Variants in MAD1L1 observed in about 807,000 individuals in gnomAD.
MAD1L1 encodes mitotic arrest deficient 1 like 1, also known as mitotic spindle assembly checkpoint protein MAD1.
Under a neutral mutation model 96.9 loss-of-function variants are expected in MAD1L1, and 95 were observed. That is an observed-to-expected ratio of 0.98 (90% CI 0.83 to 1.16). The LOEUF (loss-of-function observed/expected upper bound fraction) is 1.16, where lower values mean the gene tolerates loss of function less well. Ranked by LOEUF, MAD1L1 falls within the 50% of genes most tolerant of loss-of-function variation. The pLI is 0.00. For missense variants in MAD1L1, 1,007 were observed against 954.4 expected (o/e 1.06, Z -0.73); for synonymous variants, 473 against 396.6 (o/e 1.19, Z -2.29).
intron 18 of MAD1L1, among the ~76,000 whole-genome samples, chr7:1,825,864 T>TAGTCCCAGCCCTGGGATGAGCAC (rs1782361380): frequency 2.0e-5 from 3 of 151,434 alleles, no homozygotes; most frequent in South Asian, 2.1e-4. Context: ...GAGGTCAGCA[T>TAGTCCCAGCCCTGGGATGAGCAC]AGTCCCAGCC....
At chr7:1,938,989 GCACA>G (rs771225963) in intron 16 of MAD1L1, among the ~76,000 whole-genome samples, 2 of 113,180 alleles carry the variant, frequency 1.8e-5, no homozygotes, top group East Asian at 5.8e-4. Flanking sequence ...GACCAGAGGC[GCACA>G]CACACGCACA....
chr7:2,058,940 G>A (rs1584217359), intron 12 of MAD1L1, among the ~76,000 whole-genome samples: 1 of 98,968 alleles, frequency 1.0e-5, no homozygotes, highest in Non-Finnish European at 2.0e-5. Flanking sequence ...GTGGCCAGAG[G>A]AGAGGAGAGG....
intron 3 of MAD1L1, among the ~76,000 whole-genome samples, chr7:2,226,410 T>C (rs1333434149): frequency 6.6e-6 from 1 of 151,478 alleles, no homozygotes; most frequent in East Asian, 1.9e-4. Context: ...CTCAGAAGTC[T>C]GCCTGCCACA....
chr7:1,896,027 G>A (rs944500519), intron 18 of MAD1L1, among the ~76,000 whole-genome samples: 9 of 152,230 alleles, frequency 5.9e-5, no homozygotes, highest in East Asian at 1.9e-4. Flanking sequence ...CAGGAACCAC[G>A]GCTCCTCAGG....
intron 18 of MAD1L1, among the ~76,000 whole-genome samples, chr7:1,884,688 G>A (rs534754554): frequency 1.5e-4 from 23 of 152,328 alleles, no homozygotes; most frequent in African/African-American, 5.1e-4. Flanking sequence ...CTGAGTGGGC[G>A]GAGGAGAACC....
intron 18 of MAD1L1, among the ~76,000 whole-genome samples, chr7:1,879,702 C>T (rs1014757755): frequency 6.6e-6 from 1 of 152,198 alleles, no homozygotes; most frequent in African/African-American, 2.4e-5. Context: ...GAATGGAACA[C>T]AGAGTTCAGA....
intron 12 of MAD1L1, among the ~76,000 whole-genome samples, chr7:2,028,260 C>A (rs1259880679): frequency 2.6e-5 from 4 of 151,922 alleles, no homozygotes; most frequent in Admixed American, 1.3e-4. Flanking sequence ...CCCGTCTCCA[C>A]TAAAAATACA....
intron 10 of MAD1L1, among the ~76,000 whole-genome samples, chr7:2,163,694 A>C (rs1198593216): frequency 6.6e-6 from 1 of 152,128 alleles, no homozygotes; most frequent in East Asian, 1.9e-4. Context: ...AATGCATTTT[A>C]AACTTGGTCA....
At chr7:1,822,468 G>T (rs1486338358) in intron 18 of MAD1L1, among the ~76,000 whole-genome samples, 4 of 146,386 alleles carry the variant, frequency 2.7e-5, no homozygotes, top group African/African-American at 1.0e-4. Flanking sequence ...TGGAAAGAGG[G>T]TCTTATTCTG....
At chr7:1,995,305 G>A (rs1350094766) in intron 14 of MAD1L1, among the ~76,000 whole-genome samples, 3 of 151,890 alleles carry the variant, frequency 2.0e-5, no homozygotes, top group South Asian at 2.1e-4. Context: ...AACCAGCCCC[G>A]GGGCTGCTGA....
chr7:2,045,248 TGA>T (rs1783869841), intron 12 of MAD1L1, among the ~76,000 whole-genome samples: 1 of 152,194 alleles, frequency 6.6e-6, no homozygotes, highest in African/African-American at 2.4e-5. Flanking sequence ...TGTATCCCTG[TGA>T]GAGCCCCCGT....
At chr7:2,158,070 C>T (rs1382362901) in intron 10 of MAD1L1, among the ~76,000 whole-genome samples, 1 of 152,232 alleles carries the variant, frequency 6.6e-6, no homozygotes, top group Admixed American at 6.5e-5. Context: ...GTGACATCTG[C>T]TGCTGAACAC....
chr7:1,947,004 C>G (rs1779258407), intron 16 of MAD1L1, among the ~76,000 whole-genome samples: 1 of 152,216 alleles, frequency 6.6e-6, no homozygotes. Context: ...ACTGTGAGTT[C>G]CGCCCCTAAC....
At chr7:1,989,924 C>T (rs1017681917) in intron 14 of MAD1L1, among the ~76,000 whole-genome samples, 4 of 152,198 alleles carry the variant, frequency 2.6e-5, no homozygotes, top group South Asian at 2.1e-4. Context: ...AACTCACTAG[C>T]GCAGCATAAC....
chr7:1,889,383 G>T (rs73048106), intron 18 of MAD1L1, among the ~76,000 whole-genome samples: 22,856 of 152,220 alleles, frequency 0.15, 2,150 homozygotes, highest in South Asian at 0.28. Context: ...GCATCCTCAC[G>T]GGCACTCTTG....
At chr7:1,817,289 AC>A (rs1224928441) in intron 18 of MAD1L1, among the ~76,000 whole-genome samples, 1 of 152,144 alleles carries the variant, frequency 6.6e-6, no homozygotes, top group Non-Finnish European at 1.5e-5. Flanking sequence ...AAAGAGCTGG[AC>A]GCAGAGTCCA....
rs145453255 is a variant in MAD1L1, at chr7:1,859,731, G to A, written c.1998+38469C>T. ...GCAGGGCTCCCTCTGTTCCCTAGAC[G>A]TGACATCCTGCAGGGCGGCCTCTGT... On this transcript the variant is annotated intron_variant, in intron 18 of 18. Transcript: ENST00000265854. Among the ~76,000 whole-genome samples, 731 of 151,878 alleles carry A rather than the reference G, an allele frequency of 4.8e-3. 12 individuals carry two copies. Among genetic ancestry groups the A allele is most frequent in the Middle Eastern group, 0.01 (3 of 290 alleles).
intron 18 of MAD1L1, among the ~76,000 whole-genome samples, chr7:1,818,761 G>T (rs1322101531): frequency 1.3e-5 from 2 of 151,560 alleles, no homozygotes; most frequent in Non-Finnish European, 2.9e-5. Context: ...CCAATGGTAG[G>T]CCGGGCAACC....
chr7:2,225,659 C>T, intron 3 of MAD1L1, 109 bp from the exon 4 acceptor site: 1 of 1,244,170 alleles, frequency 8.0e-7, no homozygotes, highest in South Asian at 1.4e-5. Flanking sequence ...CCCGCAGGTC[C>T]CGTGCTAAGT....
Sources: allele counts gnomAD v4.1 joint callset (sites outside exome capture counted in the v4.1 genomes callset), GRCh38; gene constraint gnomAD v4.1.1; transcripts MANE v1.5; gene names NCBI Gene and HGNC (gene_info 2026-07-23, HGNC 2026-07-21).